Variants in KIAA0825 observed in about 807,000 individuals in gnomAD.
The protein encoded by KIAA0825 is KIAA0825.
In KIAA0825, 119 loss-of-function variants were observed where a neutral mutation model predicts 147.6. The observed-to-expected ratio is 0.81, with a 90% CI of 0.69 to 0.94. KIAA0825 has a LOEUF of 0.94. Ranked by LOEUF, KIAA0825 falls within the 40% of genes least tolerant of loss-of-function variation. The pLI is 0.00. For synonymous variants in KIAA0825, 470 were observed against 518.1 expected (o/e 0.91, Z 1.26); for missense variants, 1,381 against 1,472.7 (o/e 0.94, Z 1.02).
intron 13 of KIAA0825, among the ~76,000 whole-genome samples, chr5:94,441,575 A>G (rs1212115988): frequency 6.6e-6 from 1 of 152,136 alleles, no homozygotes; most frequent in East Asian, 1.9e-4. Flanking sequence ...TGGAGACCCC[A>G]TGAATGGGAT....
chr5:94,313,167 C>G (rs1203506257), intron 20 of KIAA0825, among the ~76,000 whole-genome samples: 1 of 151,576 alleles, frequency 6.6e-6, no homozygotes, highest in African/African-American at 2.4e-5. Context: ...TTCATTATAT[C>G]TTTAAATACT....
intron 20 of KIAA0825, among the ~76,000 whole-genome samples, chr5:94,218,651 T>C (rs534337242): frequency 6.6e-6 from 1 of 152,174 alleles, no homozygotes; most frequent in Admixed American, 6.5e-5. Context: ...TACCACAGAG[T>C]TGATTTCATG....
intron 9 of KIAA0825, 24 bp from the exon 10 acceptor site, chr5:94,470,135 A>C: frequency 6.5e-7 from 1 of 1,538,824 alleles, no homozygotes; most frequent in East Asian, 2.5e-5. Flanking sequence ...ATGATCAAAG[A>C]GACAGAGATT....
chr5:94,560,837 G>A (rs149851388), intron 2 of KIAA0825, among the ~76,000 whole-genome samples: 5 of 152,212 alleles, frequency 3.3e-5, no homozygotes, highest in South Asian at 2.1e-4. Flanking sequence ...ATACATGTGC[G>A]CGTGTACGCA....
At chr5:94,467,665 A>T (rs954666127) in intron 10 of KIAA0825, among the ~76,000 whole-genome samples, 2 of 152,236 alleles carry the variant, frequency 1.3e-5, no homozygotes, top group Non-Finnish European at 2.9e-5. Context: ...ATCACAAAAC[A>T]TGAGCAAACA....
intron 5 of KIAA0825, 115 bp from the exon 6 acceptor site, chr5:94,485,045 T>A: frequency 1.6e-6 from 1 of 613,810 alleles, no homozygotes; most frequent in Non-Finnish European, 2.4e-6. Context: ...CCTCCATAAT[T>A]AAACCAAATT....
intron 20 of KIAA0825, among the ~76,000 whole-genome samples, chr5:94,370,228 T>C (rs1746485165): frequency 6.6e-6 from 1 of 151,566 alleles, no homozygotes; most frequent in Non-Finnish European, 1.5e-5. Flanking sequence ...AAGGACAAAA[T>C]TATAGGGATA....
chr5:94,390,865 T>C (rs1181078925), intron 18 of KIAA0825, among the ~76,000 whole-genome samples: 1 of 152,224 alleles, frequency 6.6e-6, no homozygotes, highest in African/African-American at 2.4e-5. Flanking sequence ...ATAAACGCAA[T>C]TAGATGCCAC....
chr5:94,593,918 A>G (rs913202302), intron 1 of KIAA0825: 3 of 431,652 alleles, frequency 7.0e-6, no homozygotes, highest in Non-Finnish European at 1.4e-5. Flanking sequence ...GGGAATATCC[A>G]GAATTGAAGC....
Position 94,214,577 on chromosome 5 carries a change from C to T in KIAA0825, c.3711-60453G>A, listed in dbSNP as rs556865968. On this transcript the variant is annotated intron_variant, in intron 20 of 20. Coordinates refer to ENST00000682413, the MANE Select transcript of KIAA0825 (RefSeq NM_001145678.3). The stretch of plus-strand genomic sequence containing the variant: ...GGCTTGTACTCTCTGGGAAACTCCT[C>T]GGTCCTGGGCCATCTTTATTCTTGC... Among the ~76,000 whole-genome samples, 79 of 152,292 alleles carry T rather than the reference C, an allele frequency of 5.2e-4. 1 individual carries two copies. The highest frequency in any genetic ancestry group is 1.7e-3 in the African/African-American group (70 of 41,578).
chr5:94,600,454 T>C (rs1786189007), intron 1 of KIAA0825, among the ~76,000 whole-genome samples: 1 of 151,986 alleles, frequency 6.6e-6, no homozygotes, highest in South Asian at 2.1e-4. Context: ...TGTGTATATA[T>C]ATATTCCTTA....
rs144628171 is a variant in KIAA0825, at chr5:94,199,965, T to A, written c.3711-45841A>T. ...CTGGGAGAGACTGGCAGACAGAGGG[T>A]CATTCAGACCAGACTGGCCCAGTCC... On this transcript the variant is annotated intron_variant, in intron 20 of 20. Coordinates refer to ENST00000682413, the MANE Select transcript of KIAA0825 (RefSeq NM_001145678.3). Among the ~76,000 whole-genome samples, 906 of 151,952 alleles carry A rather than the reference T, an allele frequency of 6.0e-3. 8 individuals carry two copies. Among genetic ancestry groups the A allele is most frequent in the Admixed American group, 0.015 (230 of 15,264 alleles).
At chr5:94,488,354 C>T (rs775118426) in intron 5 of KIAA0825, among the ~76,000 whole-genome samples, 18 of 152,140 alleles carry the variant, frequency 1.2e-4, no homozygotes, top group Non-Finnish European at 2.1e-4. Context: ...TTCTGCTAAC[C>T]ATTGCTGTAA....
At chr5:94,333,690 G>A (rs1781508137) in intron 20 of KIAA0825, among the ~76,000 whole-genome samples, 2 of 152,034 alleles carry the variant, frequency 1.3e-5, no homozygotes, top group Non-Finnish European at 2.9e-5. Flanking sequence ...TTTTTGCTTA[G>A]GATTGTCTTG....
chr5:94,491,605 G>A (rs2151076255), intron 5 of KIAA0825, among the ~76,000 whole-genome samples: 1 of 152,298 alleles, frequency 6.6e-6, no homozygotes, highest in East Asian at 1.9e-4. Context: ...TGCAAGCATT[G>A]TTTTTGTCAT....
At chr5:94,554,366 C>A (rs1194932681) in intron 2 of KIAA0825, among the ~76,000 whole-genome samples, 9 of 152,020 alleles carry the variant, frequency 5.9e-5, no homozygotes, top group Non-Finnish European at 1.0e-4. Flanking sequence ...TTGTATTATT[C>A]TTTGTATTGC....
intron 20 of KIAA0825, among the ~76,000 whole-genome samples, chr5:94,376,457 A>T (rs1747586848): frequency 6.6e-6 from 1 of 152,184 alleles, no homozygotes; most frequent in African/African-American, 2.4e-5. Flanking sequence ...TATACACCAT[A>T]AAGGACAACA....
chr5:94,492,520 T>C (rs983583117), intron 5 of KIAA0825, among the ~76,000 whole-genome samples: 1 of 152,228 alleles, frequency 6.6e-6, no homozygotes, highest in African/African-American at 2.4e-5. Flanking sequence ...GTTTGAAAGT[T>C]GTCTCTTAAA....
At chr5:94,334,411 T>G (rs1359527072) in intron 20 of KIAA0825, among the ~76,000 whole-genome samples, 1 of 152,232 alleles carries the variant, frequency 6.6e-6, no homozygotes, top group East Asian at 1.9e-4. Flanking sequence ...TACCTTCCAA[T>G]AAACAAATTT....
Sources: gnomAD v4.1 joint callset for allele counts (sites outside exome capture counted in the v4.1 genomes callset) on GRCh38, gnomAD v4.1.1 for gene constraint, MANE v1.5 for transcripts, NCBI Gene and HGNC (gene_info 2026-07-23, HGNC 2026-07-21) for gene names.